The following ZNF732 variants were observed in gnomAD, a reference collection of about 807,000 sequenced individuals.
ZNF732 encodes the protein zinc finger protein LOC654254.
ZNF732 carries 12 observed loss-of-function variants against 11.5 expected under a neutral mutation model. The ratio of observed to expected loss-of-function variants is 1.05; its 90% CI spans 0.67 to 1.70. The LOEUF (loss-of-function observed/expected upper bound fraction) is 1.70. Ranked by LOEUF, ZNF732 falls within the 40% of genes most tolerant of loss-of-function variation. The pLI, the probability that ZNF732 is intolerant of heterozygous loss-of-function variation, is 0.00. For synonymous variants in ZNF732, 231 were observed against 236.5 expected (o/e 0.98, Z 0.21); for missense variants, 702 against 676.9 (o/e 1.04, Z -0.41).
chr4:291,993 AG>A (rs1719849928), intron 3 of ZNF732, among the ~76,000 whole-genome samples: 1 of 152,216 alleles, frequency 6.6e-6, no homozygotes. Flanking sequence ...ACGTGGTGCC[AG>A]AAAAACTGGA....
chr4:286,139 A>G (rs367905554), intron 3 of ZNF732, among the ~76,000 whole-genome samples: 1 of 152,244 alleles, frequency 6.6e-6, no homozygotes, highest in Admixed American at 6.5e-5. Context: ...CATATTTTGC[A>G]TTAATATAAC....
In ZNF732 at chr4:271,658, C is replaced by G; in HGVS notation, c.1199G>C (p.Ser400Thr). The G allele has an allele frequency of 6.2e-7, 1 of 1,610,734 alleles. No individual in the cohort carries two copies. Among genetic ancestry groups the G allele is most frequent in the South Asian group, 1.1e-5 (1 of 90,732 alleles). ...ATGTTCATTAAGGGTTGTGAACCGA[C>G]TAAAGGCTTTTCCACATTCTTCACA... is the stretch of plus-strand genomic sequence containing the variant. ...YTCEECGKAF[S>T]RFTTLNEHKR... Residue 400 changes from serine to threonine, a missense_variant, in exon 4 of 4, where the codon AGT (serine) becomes ACT (threonine). Transcript: ENST00000419098.
At chr4:290,402 C>T (rs1476626593) in intron 3 of ZNF732, among the ~76,000 whole-genome samples, 1 of 152,212 alleles carries the variant, frequency 6.6e-6, no homozygotes, top group South Asian at 2.1e-4. Context: ...ATCAAGAGAC[C>T]TGCAGGAAGA....
At chr4:283,849 A>C (rs1719667041) in intron 3 of ZNF732, among the ~76,000 whole-genome samples, 1 of 152,216 alleles carries the variant, frequency 6.6e-6, no homozygotes, top group Non-Finnish European at 1.5e-5. Context: ...AATCTGGCCC[A>C]CAACAAAGAC....
chr4:280,936 G>A (rs1380766134), intron 3 of ZNF732, among the ~76,000 whole-genome samples: 4 of 151,702 alleles, frequency 2.6e-5, no homozygotes, highest in African/African-American at 9.8e-5. Flanking sequence ...CAGTCATGGT[G>A]TGGAAGGAAT....
intron 3 of ZNF732, among the ~76,000 whole-genome samples, chr4:283,938 T>A (rs1719672178): frequency 6.6e-6 from 1 of 151,654 alleles, no homozygotes; most frequent in Non-Finnish European, 1.5e-5. Flanking sequence ...TGAGAAGGAG[T>A]CTTGCTCTGT....
At chr4:276,104 GT>G (rs1490563549) in intron 3 of ZNF732, among the ~76,000 whole-genome samples, 2 of 151,586 alleles carry the variant, frequency 1.3e-5, no homozygotes, top group African/African-American at 4.8e-5. Flanking sequence ...TCACAAAAGT[GT>G]TACACACACA....
chr4:299,851 C>A (rs2108661882), intron 1 of ZNF732, among the ~76,000 whole-genome samples: 1 of 147,390 alleles, frequency 6.8e-6, no homozygotes, highest in Admixed American at 6.7e-5. Flanking sequence ...CATGCGCCAC[C>A]ATGCCGGCTA....
intron 3 of ZNF732, among the ~76,000 whole-genome samples, chr4:280,767 A>C (rs1553839639): frequency 1.3e-5 from 2 of 152,176 alleles, no homozygotes; most frequent in African/African-American, 4.8e-5. Context: ...TTCATTGTAG[A>C]CTTAGCTGCA....
chr4:282,977 TTTAG>T lies in ZNF732; in HGVS notation c.227-10351_227-10348del, dbSNP rs1400542467. 5.9e-5 allele frequency among the ~76,000 whole-genome samples: 9 copies of T among 152,248 alleles called. No individual in the cohort carries two copies. The South Asian group carries it at 6.2e-4, about 11-fold the overall frequency. Reference sequence around the variant, plus strand: ...GTAATTCCTTTAAATATAAAAAAAATTTAGTTAGCCAATAAAATCACATTGCTAT... The same window carrying T: ...GTAATTCCTTTAAATATAAAAAAAATTTAGCCAATAAAATCACATTGCTAT... On this transcript the variant is annotated intron_variant, in intron 3 of 3. Transcript: ENST00000419098.
intron 3 of ZNF732, among the ~76,000 whole-genome samples, chr4:284,870 CAAAAAAAAAA>C (rs1163209652): frequency 1.1e-4 from 6 of 54,820 alleles, no homozygotes; most frequent in Non-Finnish European, 1.7e-4. Flanking sequence ...GACTCTGTCT[CAAAAAAAAAA>C]AAAAAAAAAA....
chr4:272,032 C>T lies in ZNF732; in HGVS notation c.825G>A (p.Glu275=), dbSNP rs782774122. The stretch of plus-strand genomic sequence containing the variant: ...CACATTCTTCACATGTGAAGGGTTT[C>T]TCTTCAGCATGAATTCTCTTATGCT... The part of the protein sequence containing the change: ...LTKHKRIHAE[E]KPFTCEECGK... The change falls in exon 4 of 4, where the codon GAG becomes GAA. Residue 275 remains glutamate (E), a synonymous_variant. Transcript: ENST00000419098. The T allele has an allele frequency of 6.2e-7, 1 of 1,610,330 alleles. No homozygotes were observed. Among genetic ancestry groups the T allele is most frequent in the African/African-American group, 1.3e-5 (1 of 74,770 alleles).
intron 3 of ZNF732, among the ~76,000 whole-genome samples, chr4:290,700 C>T (rs567376744): frequency 6.6e-6 from 1 of 152,306 alleles, no homozygotes; most frequent in South Asian, 2.1e-4. Context: ...CTACAACCTG[C>T]CATATAGATT....
At position 272,167 on chromosome 4, in the gene ZNF732, G is replaced by A; in HGVS notation, c.690C>T (p.Asn230=). 6.2e-7 allele frequency: 1 copy of A among 1,604,690 alleles called. No homozygotes were observed. The highest frequency in any genetic ancestry group is 8.5e-7 in the Non-Finnish European group (1 of 1,175,842). ...EKPFTCEECG[N]IFTTSSNFAK... The stretch of plus-strand genomic sequence containing the variant: ...CAAAGTTTGAGGATGTGGTAAAGAT[G>A]TTGCCACATTCTTCACATGTGAAGG... The change falls in exon 4 of 4, where the codon AAC becomes AAT. Residue 230 remains asparagine (N), a synonymous_variant. Transcript: ENST00000419098.
chr4:298,836 G>C (rs1271152315), intron 1 of ZNF732, among the ~76,000 whole-genome samples: 1 of 152,146 alleles, frequency 6.6e-6, no homozygotes, highest in East Asian at 1.9e-4. Context: ...TTGTGACTTT[G>C]GCTCTGAATA....
chr4:274,792 A>G (rs1445684310), intron 3 of ZNF732, among the ~76,000 whole-genome samples: 1 of 151,686 alleles, frequency 6.6e-6, no homozygotes, highest in African/African-American at 2.4e-5. Context: ...CATAAGAAAG[A>G]AGGACATTAA....
intron 1 of ZNF732, among the ~76,000 whole-genome samples, chr4:298,259 C>T (rs149902424): frequency 1.8e-4 from 27 of 152,296 alleles, no homozygotes; most frequent in Non-Finnish European, 2.4e-4. Flanking sequence ...TTGTACTGAA[C>T]ATATGATGCT....
chr4:296,939 G>C (rs561166432), intron 1 of ZNF732, among the ~76,000 whole-genome samples: 19 of 152,284 alleles, frequency 1.2e-4, no homozygotes, highest in African/African-American at 4.3e-4. Flanking sequence ...ACAGAGGCTG[G>C]AGATGGTGTC....
rs62619793 is a variant in ZNF732 at position 296,088 on chromosome 4, G to T, written c.71C>A (p.Ala24Asp). The T allele has an allele frequency of 0.037, 60,379 of 1,613,768 alleles. 1,485 individuals carry two copies. The highest frequency in any genetic ancestry group is 0.11 in the African/African-American group (8,115 of 74,940). The change falls in exon 2 of 4, where the codon GCC (alanine) becomes GAC (aspartate). Residue 24 changes from alanine to aspartate, a missense_variant. By Grantham distance (126) the Ala-to-Asp change is moderately radical. This residue lies in a region of ZNF732 where 596 missense variants were observed against 557.9 expected (regional missense o/e 1.07). Transcript: ENST00000419098. The part of the protein sequence containing the change: ...SPEEWKCLDP[A>D]QQNLYRDVML... Reference sequence around the variant, plus strand: ...CACATCTCTATACAAATTCTGCTGGGCAGGGTCCAGGCATTTCCACTCTTC... The same window carrying T: ...CACATCTCTATACAAATTCTGCTGGTCAGGGTCCAGGCATTTCCACTCTTC...
Sources: gnomAD v4.1 joint callset for allele counts (sites outside exome capture counted in the v4.1 genomes callset) on GRCh38, gnomAD v4.1.1 for gene constraint, gnomAD v4.1.1 regional missense constraint, MANE v1.5 for transcripts, NCBI Gene and HGNC (gene_info 2026-07-23, HGNC 2026-07-21) for gene names.